Variants in ARHGAP15 observed in about 807,000 individuals in gnomAD.
ARHGAP15 encodes the protein Rho GTPase activating protein 15, also known as rho GTPase-activating protein 15.
Under a neutral mutation model 63.7 loss-of-function variants are expected in ARHGAP15, and 51 were observed. The ratio of observed to expected loss-of-function variants is 0.80; its 90% CI spans 0.64 to 1.01. The LOEUF (loss-of-function observed/expected upper bound fraction) is 1.01. ARHGAP15 is among the 50% of genes least tolerant of loss of function. ARHGAP15 has a pLI of 0.00. For missense variants in ARHGAP15, 560 were observed against 564.6 expected (o/e 0.99, Z 0.08); for synonymous variants, 191 against 193.8 (o/e 0.99, Z 0.12).
At chr2:143,235,915 C>G (rs1347589585) in intron 5 of ARHGAP15, 1 of 1,535,120 alleles carries the variant, frequency 6.5e-7, no homozygotes, top group Non-Finnish European at 8.8e-7. Context: ...CAGCTTGACT[C>G]CTAAGTACCT....
At position 143,245,617 on chromosome 2, in the gene ARHGAP15, TC is replaced by T. The variant is rs1558838082; in HGVS notation, c.385-4893del. On this transcript the variant is annotated intron_variant, in intron 5 of 13. Coordinates refer to ENST00000295095, the MANE Select transcript of ARHGAP15 (RefSeq NM_018460.4). ...TGGAGTTGATGCTTGCTTTTCTTCT[TC>T]TTCTTTTTTTTTTTTAAACGGGTAA... Among the ~76,000 whole-genome samples, 122 of 142,554 alleles carry T rather than the reference TC, an allele frequency of 8.6e-4. 1 individual carries two copies. The highest frequency in any genetic ancestry group is 3.1e-3 in the African/African-American group (118 of 37,924). 93.5% of individuals were successfully genotyped at this position (142,554 alleles called of 152,430 possible). A position where few individuals can be genotyped will look rare whatever the true frequency, so the allele number is the denominator to read the frequency against.
At chr2:143,437,158 A>G in intron 8 of ARHGAP15, 116 bp downstream of exon 8, 1 of 1,231,964 alleles carries the variant, frequency 8.1e-7, no homozygotes, top group Non-Finnish European at 1.1e-6. Flanking sequence ...GAAGATTCGT[A>G]GCCATTTCCT....
intron 13 of ARHGAP15, among the ~76,000 whole-genome samples, chr2:143,749,756 T>C (rs1179833384): frequency 6.6e-6 from 1 of 152,258 alleles, no homozygotes; most frequent in East Asian, 1.9e-4. Flanking sequence ...TTATCTCTAT[T>C]ATTATATTTT....
intron 12 of ARHGAP15, among the ~76,000 whole-genome samples, chr2:143,667,671 GA>G (rs1434570568): frequency 2.0e-5 from 3 of 151,288 alleles, no homozygotes; most frequent in African/African-American, 7.3e-5. Context: ...CATAATTTGT[GA>G]TAACTTATTA....
In ARHGAP15 at chr2:143,169,746, G is replaced by A. The variant is rs1195798126; in HGVS notation, c.165+14091G>A. Among the ~76,000 whole-genome samples the A allele has an allele frequency of 3.5e-5, 3 of 86,210 alleles. No homozygotes were observed. In the East Asian group the frequency reaches 1.3e-3, roughly 38 times the overall value. 56.6% of individuals were successfully genotyped at this position (86,210 alleles called of 152,430 possible). ...AATCAGAACTGTCAGTGGCCCTCCA[G>A]GTTCAATCAGAACTGAAGTGGGCCC... On this transcript the variant is annotated intron_variant, in intron 2 of 13. Coordinates refer to ENST00000295095, the MANE Select transcript of ARHGAP15 (RefSeq NM_018460.4).
chr2:143,420,758 G>A lies in ARHGAP15; in HGVS notation c.475-14843G>A, dbSNP rs543169559. On this transcript the variant is annotated intron_variant, in intron 6 of 13. Coordinates refer to ENST00000295095, the MANE Select transcript of ARHGAP15 (RefSeq NM_018460.4). ...TAAAGGCATGTGTTGATGGCAAGAA[G>A]ACCATGGAGTCTTATTCTCTGATAA... Among the ~76,000 whole-genome samples the A allele has an allele frequency of 3.9e-5, 6 of 152,304 alleles. No individual in the cohort carries two copies. In the East Asian group the frequency reaches 1.2e-3, roughly 29 times the overall value.
At chr2:143,336,254 A>G (rs1253421711) in intron 6 of ARHGAP15, among the ~76,000 whole-genome samples, 2 of 152,226 alleles carry the variant, frequency 1.3e-5, no homozygotes, top group South Asian at 2.1e-4. Context: ...ACAAACTTGG[A>G]TGTTTTTCCC....
intron 6 of ARHGAP15, among the ~76,000 whole-genome samples, chr2:143,337,070 G>A (rs895343335): frequency 3.3e-5 from 5 of 152,084 alleles, no homozygotes; most frequent in African/African-American, 4.8e-5. Flanking sequence ...TGGTCAAGGA[G>A]GACAGAGGGA....
intron 10 of ARHGAP15, 120 bp from the exon 11 acceptor site, chr2:143,556,288 C>T: frequency 1.4e-6 from 1 of 691,916 alleles, no homozygotes; most frequent in Non-Finnish European, 2.4e-6. Flanking sequence ...ATTTAGAACA[C>T]ACAAATTGGT....
At chr2:143,762,541 G>A (rs1465882284) in intron 13 of ARHGAP15, among the ~76,000 whole-genome samples, 1 of 152,130 alleles carries the variant, frequency 6.6e-6, no homozygotes, top group Admixed American at 6.6e-5. Flanking sequence ...GGCATAGGAG[G>A]ATAAAATTCC....
chr2:143,243,732 A>G (rs1173020711), intron 5 of ARHGAP15, among the ~76,000 whole-genome samples: 1 of 152,154 alleles, frequency 6.6e-6, no homozygotes, highest in East Asian at 1.9e-4. Context: ...TTATTCCAAT[A>G]AGTAGTTTAA....
At chr2:143,548,428 C>G (rs1695420132) in intron 10 of ARHGAP15, among the ~76,000 whole-genome samples, 1 of 151,468 alleles carries the variant, frequency 6.6e-6, no homozygotes, top group Non-Finnish European at 1.5e-5. Flanking sequence ...TGGAATTTGC[C>G]CCTAGCTCAG....
intron 2 of ARHGAP15, among the ~76,000 whole-genome samples, chr2:143,197,967 TACACACACAC>T (rs5834941): frequency 3.4e-5 from 5 of 148,496 alleles, no homozygotes; most frequent in African/African-American, 7.4e-5. Flanking sequence ...AGTGACTGCC[TACACACACAC>T]ACACACACAC....
At chr2:143,752,919 CT>C in intron 13 of ARHGAP15, among the ~76,000 whole-genome samples, 1 of 152,210 alleles carries the variant, frequency 6.6e-6, no homozygotes, top group Middle Eastern at 3.4e-3. Flanking sequence ...GGAAGATCAC[CT>C]GAGGCCAGGA....
At chr2:143,391,538 A>G (rs1574380834) in intron 6 of ARHGAP15, among the ~76,000 whole-genome samples, 1 of 152,230 alleles carries the variant, frequency 6.6e-6, no homozygotes, top group Non-Finnish European at 1.5e-5. Context: ...CCAGTTATTA[A>G]GCAAGCACTT....
chr2:143,223,344 T>C (rs1266878187), intron 4 of ARHGAP15, among the ~76,000 whole-genome samples: 2 of 152,184 alleles, frequency 1.3e-5, no homozygotes, highest in Admixed American at 6.5e-5. Flanking sequence ...CCTTACCTGA[T>C]TGTTACCTGT....
chr2:143,473,580 A>G (rs985088607), intron 8 of ARHGAP15, among the ~76,000 whole-genome samples: 2 of 152,204 alleles, frequency 1.3e-5, no homozygotes, highest in Non-Finnish European at 2.9e-5. Flanking sequence ...CTTTCTCACC[A>G]TTCACAGTGT....
At chr2:143,626,907 C>G (rs886687666) in intron 12 of ARHGAP15, among the ~76,000 whole-genome samples, 1 of 152,136 alleles carries the variant, frequency 6.6e-6, no homozygotes, top group African/African-American at 2.4e-5. Flanking sequence ...CCCCCAAGGT[C>G]ATGGTATTAA....
At chr2:143,253,276 A>G (rs775818264) in intron 6 of ARHGAP15, among the ~76,000 whole-genome samples, 5 of 140,176 alleles carry the variant, frequency 3.6e-5, no homozygotes, top group African/African-American at 1.3e-4. Flanking sequence ...GTTGAACTTA[A>G]AATGAATAGG....
Sources: gnomAD v4.1 joint callset for allele counts (sites outside exome capture counted in the v4.1 genomes callset) on GRCh38, gnomAD v4.1.1 for gene constraint, MANE v1.5 for transcripts, NCBI Gene and HGNC (gene_info 2026-07-23, HGNC 2026-07-21) for gene names.